The following TRABD2B variants were observed in gnomAD, a reference collection of about 807,000 sequenced individuals.
The protein encoded by TRABD2B is TraB domain containing 2B.
In TRABD2B, 14 loss-of-function variants were observed where a neutral mutation model predicts 40.1. The observed-to-expected ratio is 0.35, with a 90% CI of 0.23 to 0.55. The LOEUF (loss-of-function observed/expected upper bound fraction) is 0.55, where lower values mean the gene tolerates loss of function less well. TRABD2B is among the 20% of genes least tolerant of loss of function. The probability of loss-of-function intolerance (pLI) is 0.90; values close to 1 mark genes in which losing one functional copy is unlikely to be tolerated. For missense variants in TRABD2B, 541 were observed against 648.6 expected, an observed-to-expected ratio of 0.83 and a Z score of 1.80; for synonymous variants, 263 against 277.0, an observed-to-expected ratio of 0.95 and a Z score of 0.50.
intron 2 of TRABD2B, among the ~76,000 whole-genome samples, chr1:47,872,508 C>T (rs975216180): frequency 1.3e-5 from 2 of 152,152 alleles, no homozygotes; most frequent in African/African-American, 4.8e-5. Context: ...ACTCCCAGCC[C>T]AAGTATTGCC....
intron 6 of TRABD2B, among the ~76,000 whole-genome samples, chr1:47,774,727 A>T (rs1213857013): frequency 6.6e-6 from 1 of 152,242 alleles, no homozygotes; most frequent in African/African-American, 2.4e-5. Flanking sequence ...TCTCTCTCTT[A>T]GAGCACGGTT....
rs140552120 is a variant in TRABD2B at position 47,810,137 on chromosome 1, G to GGTGTGTGT, written c.667-8526_667-8519dup. Among the ~76,000 whole-genome samples, 103 of 136,150 alleles carry GGTGTGTGT rather than the reference G, an allele frequency of 7.6e-4. 1 individual carries two copies. Among genetic ancestry groups the GGTGTGTGT allele is most frequent in the Admixed American group, 1.4e-3 (18 of 13,292 alleles). 89.3% of individuals were successfully genotyped at this position (136,150 alleles called of 152,430 possible). A position where few individuals can be genotyped will look rare whatever the true frequency, so the allele number is the denominator to read the frequency against. The stretch of plus-strand genomic sequence containing the variant: ...GAAAATAAGGCAAAGAGGAATATAG[G>GGTGTGTGT]GTGTGTGTGTGTGTGTGCGCGCGCG... On this transcript the variant is annotated intron_variant, in intron 2 of 6. Transcript: ENST00000606738.
chr1:47,944,165 A>C (rs1335341990), intron 2 of TRABD2B, among the ~76,000 whole-genome samples: 1 of 152,120 alleles, frequency 6.6e-6, no homozygotes, highest in African/African-American at 2.4e-5. Flanking sequence ...CCAGGAATGG[A>C]GGGGCCACAG....
intron 2 of TRABD2B, among the ~76,000 whole-genome samples, chr1:47,968,981 TC>T (rs919337223): frequency 8.3e-4 from 126 of 152,284 alleles, no homozygotes; most frequent in African/African-American, 3.0e-3. Context: ...AAGAAAGATA[TC>T]AGCCCTGGTA....
chr1:47,981,406 T>G (rs1043556999), intron 2 of TRABD2B, among the ~76,000 whole-genome samples: 1 of 152,146 alleles, frequency 6.6e-6, no homozygotes, highest in African/African-American at 2.4e-5. Context: ...CTCCACTCAT[T>G]AGCTGTGTGA....
At chr1:47,957,501 G>C (rs964944863) in intron 2 of TRABD2B, among the ~76,000 whole-genome samples, 3 of 152,140 alleles carry the variant, frequency 2.0e-5, no homozygotes, top group African/African-American at 7.2e-5. Context: ...AGAATAAACA[G>C]CATACAGAAG....
intron 2 of TRABD2B, among the ~76,000 whole-genome samples, chr1:47,964,715 C>T (rs1464224960): frequency 6.6e-6 from 1 of 152,100 alleles, no homozygotes; most frequent in Non-Finnish European, 1.5e-5. Flanking sequence ...TACGGTAACA[C>T]CATATTACTG....
chr1:47,941,483 T>C (rs906050124), intron 2 of TRABD2B, among the ~76,000 whole-genome samples: 1 of 152,160 alleles, frequency 6.6e-6, no homozygotes, highest in African/African-American at 2.4e-5. Flanking sequence ...CCCACAAAAA[T>C]GCACCTGGTT....
chr1:47,936,881 CACCATCACT>C (rs1645113924), intron 2 of TRABD2B, among the ~76,000 whole-genome samples: 1 of 149,054 alleles, frequency 6.7e-6, no homozygotes, highest in African/African-American at 2.5e-5. Context: ...CCACCACCAT[CACCATCACT>C]ACCATCACCA....
At chr1:47,991,596 A>G (rs1475228207) in intron 2 of TRABD2B, among the ~76,000 whole-genome samples, 3 of 129,488 alleles carry the variant, frequency 2.3e-5, no homozygotes, top group Non-Finnish European at 3.3e-5. Flanking sequence ...CCATTTAACA[A>G]GCAAAATTAT....
chr1:47,910,572 C>T (rs1203524826), intron 2 of TRABD2B, among the ~76,000 whole-genome samples: 3 of 152,070 alleles, frequency 2.0e-5, no homozygotes, highest in Non-Finnish European at 2.9e-5. Context: ...TGCAGTGGAC[C>T]GGCACTGGGT....
At position 47,823,115 on chromosome 1, in the gene TRABD2B, T is replaced by C. The variant is rs551069157; in HGVS notation, c.667-21496A>G. On this transcript the variant is annotated intron_variant, in intron 2 of 6. Transcript: ENST00000606738. ...GCAGATCCATCTGTGTGATAGGGTC[T>C]TGCTGTGCTCATGCATCCCCTGGGA... 6.6e-5 allele frequency among the ~76,000 whole-genome samples: 10 copies of C among 152,376 alleles called. No individual in the cohort carries two copies. The East Asian group carries it at 1.9e-3, about 29-fold the overall frequency.
rs1646062085 is a variant in TRABD2B, at chr1:47,994,522, G to A, written c.178C>T (p.Pro60Ser). Residue 60 changes from proline to serine, a missense_variant, in exon 2 of 7, where the codon CCC (proline) becomes TCC (serine). Coordinates refer to ENST00000606738, the MANE Select transcript of TRABD2B (RefSeq NM_001194986.2). The surrounding 1 kb of genome is among the most constrained non-coding windows in gnomAD (Gnocchi z 6.7). Reference protein sequence around the residue: ...PAYLFGTIHVPYTRVWDFIPD... With the variant: ...PAYLFGTIHVSYTRVWDFIPD... ...ATGAAGTCCCAGACGCGGGTGTAGGGGACGTGAATAGTGCCAAACAGGTAG... is the reference window on the plus strand; with the variant it reads ...ATGAAGTCCCAGACGCGGGTGTAGGAGACGTGAATAGTGCCAAACAGGTAG... 6.5e-7 allele frequency: 1 copy of A among 1,536,172 alleles called. No individual in the cohort carries two copies. Among genetic ancestry groups the A allele is most frequent in the Non-Finnish European group, 8.7e-7 (1 of 1,146,924 alleles).
At chr1:47,803,890 A>G (rs1008292540) in intron 2 of TRABD2B, among the ~76,000 whole-genome samples, 10 of 152,166 alleles carry the variant, frequency 6.6e-5, no homozygotes, top group Admixed American at 5.9e-4. Flanking sequence ...CAACTTCTGC[A>G]CTCTGCATTT....
intron 4 of TRABD2B, among the ~76,000 whole-genome samples, chr1:47,779,503 C>G (rs145232565): frequency 6.6e-6 from 1 of 152,304 alleles, no homozygotes; most frequent in Admixed American, 6.5e-5. Flanking sequence ...GAGTGGAAAT[C>G]GTCTTCCTGT....
chr1:47,890,120 C>T (rs1410418227), intron 2 of TRABD2B, among the ~76,000 whole-genome samples: 2 of 152,230 alleles, frequency 1.3e-5, no homozygotes, highest in Non-Finnish European at 2.9e-5. Flanking sequence ...GCTTTGTACA[C>T]TGCAGAGTAT....
At chr1:47,791,292 C>T (rs1284534717) in intron 4 of TRABD2B, among the ~76,000 whole-genome samples, 1 of 152,168 alleles carries the variant, frequency 6.6e-6, no homozygotes, top group Non-Finnish European at 1.5e-5. Context: ...CTGGGCCTGT[C>T]GTGGAATGAC....
chr1:47,928,494 C>G (rs1219819032), intron 2 of TRABD2B, among the ~76,000 whole-genome samples: 2 of 152,220 alleles, frequency 1.3e-5, no homozygotes, highest in Non-Finnish European at 2.9e-5. Flanking sequence ...CTCTAAACTC[C>G]ACACCCCATG....
At chr1:47,782,243 T>C (rs1644534817) in intron 4 of TRABD2B, among the ~76,000 whole-genome samples, 1 of 152,192 alleles carries the variant, frequency 6.6e-6, no homozygotes, top group Admixed American at 6.5e-5. Flanking sequence ...ATAGGTCCTA[T>C]CTTGATTCTC....
Sources: gnomAD v4.1 joint callset for allele counts (sites outside exome capture counted in the v4.1 genomes callset) on GRCh38, gnomAD v4.1.1 for gene constraint, Gnocchi (gnomAD v3.1) non-coding constraint, MANE v1.5 for transcripts, NCBI Gene and HGNC (gene_info 2026-07-23, HGNC 2026-07-21) for gene names.